Variants in CCDC60 observed in about 807,000 individuals in gnomAD.
CCDC60 encodes the protein coiled-coil domain-containing protein 60.
Under a neutral mutation model 63.5 loss-of-function variants are expected in CCDC60, and 54 were observed. The ratio of observed to expected loss-of-function variants is 0.85; its 90% CI spans 0.68 to 1.07. CCDC60 has a LOEUF of 1.07. Ranked by LOEUF, CCDC60 falls within the 50% of genes least tolerant of loss-of-function variation. The probability of loss-of-function intolerance (pLI) is 0.00; values close to 1 mark genes in which losing one functional copy is unlikely to be tolerated. For missense variants in CCDC60, 651 were observed against 684.3 expected (o/e 0.95, Z 0.54); for synonymous variants, 206 against 238.8 (o/e 0.86, Z 1.27).
At chr12:119,466,134 A>G (rs1489630189) in intron 2 of CCDC60, among the ~76,000 whole-genome samples, 3 of 152,186 alleles carry the variant, frequency 2.0e-5, no homozygotes, top group Non-Finnish European at 4.4e-5. Flanking sequence ...TCTTTCTGCA[A>G]ACATCACCTT....
At chr12:119,455,308 A>G (rs960991038) in intron 2 of CCDC60, among the ~76,000 whole-genome samples, 1 of 152,202 alleles carries the variant, frequency 6.6e-6, no homozygotes, top group Non-Finnish European at 1.5e-5. Flanking sequence ...TCTACATGCC[A>G]GAGTCTTACT....
intron 1 of CCDC60, among the ~76,000 whole-genome samples, chr12:119,388,516 A>G (rs943930981): frequency 3.3e-5 from 5 of 152,162 alleles, no homozygotes; most frequent in African/African-American, 1.2e-4. Context: ...GTTTTCTTGT[A>G]CCTACCTGAT....
Position 119,500,146 on chromosome 12 carries a change from A to G in CCDC60, c.626A>G (p.Glu209Gly). 1 of 1,610,422 alleles carries G rather than the reference A, an allele frequency of 6.2e-7. No homozygotes were observed. The highest frequency in any genetic ancestry group is 8.5e-7 in the Non-Finnish European group (1 of 1,178,412). Residue 209 changes from glutamate to glycine, a missense_variant, in exon 6 of 14, where the codon GAG (glutamate) becomes GGG (glycine). Coordinates refer to ENST00000327554, the MANE Select transcript of CCDC60 (RefSeq NM_178499.5). ...GACAAGTCCATGGGACAGAAATGGG[A>G]GCATTTCATCACAGCGCCAAAGGTA... ...NKDKSMGQKWEHFITAPKTKK... is the reference protein window; with the variant it reads ...NKDKSMGQKWGHFITAPKTKK...
chr12:119,453,898 G>GTGA lies in CCDC60; in HGVS notation c.171-18071_171-18069dup, dbSNP rs377413915. ...AGAAGTCGATGATAATTTGATGATT[G>GTGA]TGATGATGATGATGATGATGATGAT... On this transcript the variant is annotated intron_variant, in intron 2 of 13. Coordinates refer to ENST00000327554, the MANE Select transcript of CCDC60 (RefSeq NM_178499.5). Among the ~76,000 whole-genome samples, 858 of 151,920 alleles carry GTGA rather than the reference G, an allele frequency of 5.6e-3. 12 individuals carry two copies. The highest frequency in any genetic ancestry group is 0.016 in the African/African-American group (651 of 41,430).
At chr12:119,426,384 T>A (rs1956901716) in intron 1 of CCDC60, among the ~76,000 whole-genome samples, 1 of 151,858 alleles carries the variant, frequency 6.6e-6, no homozygotes, top group African/African-American at 2.4e-5. Context: ...TGAGAGAGGG[T>A]CTCGCTCTGT....
At chr12:119,536,358 C>A (rs949441306) in intron 13 of CCDC60, among the ~76,000 whole-genome samples, 1 of 152,176 alleles carries the variant, frequency 6.6e-6, no homozygotes, top group Admixed American at 6.5e-5. Context: ...TGGATCTTGA[C>A]TCTTCATCCA....
intron 5 of CCDC60, among the ~76,000 whole-genome samples, chr12:119,495,874 G>T (rs1951705986): frequency 6.6e-6 from 1 of 152,204 alleles, no homozygotes; most frequent in Non-Finnish European, 1.5e-5. Context: ...ATAGCAATGT[G>T]TCATGAAGAA....
chr12:119,486,383 T>C (rs900305132), intron 4 of CCDC60, among the ~76,000 whole-genome samples: 2 of 151,728 alleles, frequency 1.3e-5, no homozygotes, highest in African/African-American at 4.8e-5. Flanking sequence ...CAAAAAAAAA[T>C]AAAAATTAGC....
chr12:119,434,567 T>C (rs1255880473), intron 2 of CCDC60, among the ~76,000 whole-genome samples: 2 of 152,194 alleles, frequency 1.3e-5, no homozygotes, highest in Admixed American at 6.5e-5. Context: ...AATAGTGGTG[T>C]TGAAGAAGCT....
intron 7 of CCDC60, among the ~76,000 whole-genome samples, chr12:119,506,490 G>A (rs916637570): frequency 1.7e-4 from 26 of 151,398 alleles, no homozygotes; most frequent in South Asian, 8.4e-4. Flanking sequence ...GTGTGTGCCT[G>A]TGGTTCCAAC....
At chr12:119,465,937 C>A (rs1481430175) in intron 2 of CCDC60, among the ~76,000 whole-genome samples, 1 of 152,170 alleles carries the variant, frequency 6.6e-6, no homozygotes, top group Non-Finnish European at 1.5e-5. Flanking sequence ...CTAAAACGTG[C>A]AAAGCCAACA....
chr12:119,402,953 T>G (rs185178017), intron 1 of CCDC60, among the ~76,000 whole-genome samples: 1 of 152,308 alleles, frequency 6.6e-6, no homozygotes, highest in East Asian at 1.9e-4. Flanking sequence ...GAAAACTAAT[T>G]ATCTAAGATT....
At chr12:119,428,528 C>T in intron 1 of CCDC60, among the ~76,000 whole-genome samples, 155 bp from the exon 2 acceptor site, 1 of 152,124 alleles carries the variant, frequency 6.6e-6, no homozygotes, top group East Asian at 1.9e-4. Context: ...CACACAGCAG[C>T]CCCCTCTTTG....
chr12:119,447,729 A>C (rs1950566954), intron 2 of CCDC60: 1 of 152,186 alleles, frequency 6.6e-6, no homozygotes, highest in Non-Finnish European at 1.5e-5. Context: ...TATGCACAAT[A>C]CTTTGCTTCT....
chr12:119,436,789 G>C (rs564046983), intron 2 of CCDC60, among the ~76,000 whole-genome samples: 1 of 152,192 alleles, frequency 6.6e-6, no homozygotes, highest in South Asian at 2.1e-4. Context: ...TACCTGCCTC[G>C]GCCTCCCAGA....
chr12:119,486,305 G>C (rs1275926039), intron 4 of CCDC60, among the ~76,000 whole-genome samples: 1 of 152,188 alleles, frequency 6.6e-6, no homozygotes, highest in Non-Finnish European at 1.5e-5. Flanking sequence ...GGGAGGCCAA[G>C]GCAGGAGGAC....
chr12:119,533,423 T>C (rs571826364), intron 13 of CCDC60, among the ~76,000 whole-genome samples: 1 of 152,250 alleles, frequency 6.6e-6, no homozygotes, highest in Non-Finnish European at 1.5e-5. Context: ...TTTAGTTTAA[T>C]CAGATCCCAT....
chr12:119,396,376 C>A (rs1252455338), intron 1 of CCDC60, among the ~76,000 whole-genome samples: 1 of 152,172 alleles, frequency 6.6e-6, no homozygotes, highest in Non-Finnish European at 1.5e-5. Flanking sequence ...CAGAAGGACA[C>A]TATTCAACCC....
intron 2 of CCDC60, among the ~76,000 whole-genome samples, chr12:119,468,713 A>G (rs1247635375): frequency 6.6e-6 from 1 of 152,166 alleles, no homozygotes; most frequent in Non-Finnish European, 1.5e-5. Flanking sequence ...ATTTAACATA[A>G]CAAAATAAAA....
Sources: gnomAD v4.1 joint callset for allele counts (sites outside exome capture counted in the v4.1 genomes callset) on GRCh38, gnomAD v4.1.1 for gene constraint, MANE v1.5 for transcripts, NCBI Gene and HGNC (gene_info 2026-07-23, HGNC 2026-07-21) for gene names.